CUX2: variants seen among roughly 807,000 people sequenced by gnomAD.
CUX2 encodes the protein cut like homeobox 2.
A neutral mutation model predicts 144.8 loss-of-function variants in CUX2; 40 were observed. The ratio of observed to expected loss-of-function variants is 0.28; its 90% CI spans 0.21 to 0.36. The LOEUF is 0.36. CUX2 is among the 10% of genes least tolerant of loss of function. CUX2 has a pLI of 1.00. For synonymous variants in CUX2, 827 were observed against 875.6 expected, an observed-to-expected ratio of 0.94 and a Z score of 0.98; for missense variants, 1,615 against 1,994.0, an observed-to-expected ratio of 0.81 and a Z score of 3.62.
intron 3 of CUX2, among the ~76,000 whole-genome samples, chr12:111,259,031 C>CTGTGTGTGTGTGTGTGTG (rs57814010): frequency 3.0e-5 from 4 of 132,306 alleles, no homozygotes; most frequent in South Asian, 2.8e-4. Flanking sequence ...CCACACCCAG[C>CTGTGTGTGTGTGTGTGTG]TGTGTGTGTG....
intron 1 of CUX2, among the ~76,000 whole-genome samples, chr12:111,123,071 G>C (rs1020903976): frequency 3.3e-5 from 5 of 152,186 alleles, no homozygotes; most frequent in African/African-American, 1.2e-4. Flanking sequence ...AGGCCTGCTG[G>C]GCCCCAGGAG....
intron 1 of CUX2, among the ~76,000 whole-genome samples, chr12:111,154,081 TA>T (rs1265869415): frequency 6.6e-6 from 1 of 152,076 alleles, no homozygotes. Flanking sequence ...TGTCTCCAAA[TA>T]AGGTCACATC....
intron 1 of CUX2, among the ~76,000 whole-genome samples, chr12:111,043,653 AAATAC>A (rs1229568199): frequency 6.6e-6 from 1 of 151,672 alleles, no homozygotes; most frequent in Non-Finnish European, 1.5e-5. Flanking sequence ...TCCCTACTAA[AAATAC>A]AAGAATTAGC....
At chr12:111,162,739 C>T (rs144408012) in intron 1 of CUX2, among the ~76,000 whole-genome samples, 8 of 152,268 alleles carry the variant, frequency 5.3e-5, no homozygotes, top group African/African-American at 1.4e-4. Context: ...AGCAGAGAGA[C>T]GAAGAGCATA....
chr12:111,212,626 T>C (rs987621966), intron 1 of CUX2, among the ~76,000 whole-genome samples: 2 of 152,250 alleles, frequency 1.3e-5, no homozygotes, highest in Non-Finnish European at 2.9e-5. Flanking sequence ...ATTACAGGCA[T>C]GAGCCACTGC....
At chr12:111,244,092 GT>G (rs72006914) in intron 3 of CUX2, among the ~76,000 whole-genome samples, 2,989 of 151,384 alleles carry the variant, frequency 0.02, 114 homozygotes, top group African/African-American at 0.069. Context: ...AGCTTTTTGG[GT>G]TTTTTTTTGT....
intron 1 of CUX2, among the ~76,000 whole-genome samples, chr12:111,062,563 C>T (rs188850562): frequency 9.2e-5 from 14 of 152,228 alleles, no homozygotes; most frequent in Non-Finnish European, 1.5e-4. Flanking sequence ...GGCCACGTGC[C>T]GGAGATGCCC....
intron 1 of CUX2, among the ~76,000 whole-genome samples, chr12:111,127,824 G>A (rs1009440335): frequency 6.6e-6 from 1 of 152,204 alleles, no homozygotes; most frequent in African/African-American, 2.4e-5. Context: ...GGGAGCAAAT[G>A]CACGTCTTAC....
In CUX2 at chr12:111,035,742, G is replaced by T. The variant is rs147632965; in HGVS notation, c.63+1502G>T. 2.7e-3 allele frequency among the ~76,000 whole-genome samples: 409 copies of T among 151,376 alleles called. 1 individual carries two copies. Among genetic ancestry groups the T allele is most frequent in the Admixed American group, 5.1e-3 (77 of 15,204 alleles). ...CGTCCTTCCGAACGCCCCACTCCTC[G>T]CTCTCCCCCTCCCCCAAAGCCATTG... On this transcript the variant is annotated intron_variant, in intron 1 of 21. Transcript: ENST00000261726. The surrounding 1 kb of genome is among the most constrained non-coding windows in gnomAD (Gnocchi z 6.0).
chr12:111,053,738 C>A (rs75371395), intron 1 of CUX2, among the ~76,000 whole-genome samples: 6,020 of 152,306 alleles, frequency 0.04, 410 homozygotes, highest in African/African-American at 0.14. Flanking sequence ...CCAGATGATT[C>A]CCCAGTTCCT....
chr12:111,105,338 C>G (rs2136074727), intron 1 of CUX2, among the ~76,000 whole-genome samples: 1 of 152,318 alleles, frequency 6.6e-6, no homozygotes, highest in East Asian at 1.9e-4. Context: ...GGGCCCGATG[C>G]TGGTTGATTT....
At chr12:111,042,789 C>A (rs553540926) in intron 1 of CUX2, among the ~76,000 whole-genome samples, 1 of 150,896 alleles carries the variant, frequency 6.6e-6, no homozygotes, top group Non-Finnish European at 1.5e-5. Context: ...ACCGCCACCA[C>A]GCCTGGCTTT....
intron 3 of CUX2, among the ~76,000 whole-genome samples, chr12:111,251,262 A>G (rs1883546810): frequency 6.6e-6 from 1 of 152,186 alleles, no homozygotes; most frequent in Non-Finnish European, 1.5e-5. Flanking sequence ...TTTGAGTGAC[A>G]AGCAATTTAA....
chr12:111,138,220 G>A (rs926711363), intron 1 of CUX2, among the ~76,000 whole-genome samples: 6 of 152,236 alleles, frequency 3.9e-5, no homozygotes, highest in Non-Finnish European at 7.3e-5. Context: ...AGGGAGAAGC[G>A]ATCTGGGAGT....
At chr12:111,280,353 G>A (rs1055540238) in intron 4 of CUX2, among the ~76,000 whole-genome samples, 5 of 152,100 alleles carry the variant, frequency 3.3e-5, no homozygotes, top group African/African-American at 4.8e-5. Context: ...GGCTGAGATC[G>A]AAGTCATGCA....
At position 111,320,133 on chromosome 12, in the gene CUX2, G is replaced by C; in HGVS notation, c.2124G>C (p.Gln708His). Residue 708 changes from glutamine (Q) to histidine (H), a missense_variant, in exon 17 of 22, where the codon CAG becomes CAC. Transcript: ENST00000261726. The surrounding 1 kb of genome is among the most constrained non-coding windows in gnomAD (Gnocchi z 8.1). ...EQARREMQAQ[Q>H]QALLEMEVAP... ...CACGCCGTGAGATGCAGGCGCAACA[G>C]CAGGCGCTGCTGGAGATGGAGGTGG... 6.4e-7 allele frequency: 1 copy of C among 1,553,992 alleles called. No individual in the cohort carries two copies. Among genetic ancestry groups the C allele is most frequent in the South Asian group, 1.2e-5 (1 of 84,972 alleles).
intron 1 of CUX2, among the ~76,000 whole-genome samples, chr12:111,041,141 G>A (rs1869722838): frequency 1.3e-5 from 2 of 152,218 alleles, no homozygotes; most frequent in African/African-American, 4.8e-5. Context: ...CCTTGGATGA[G>A]TCACTTAACC....
chr12:111,149,494 C>A (rs949227123), intron 1 of CUX2, among the ~76,000 whole-genome samples: 1 of 152,138 alleles, frequency 6.6e-6, no homozygotes, highest in East Asian at 1.9e-4. Flanking sequence ...CCACTAGATG[C>A]CAGTAGCACA....
At chr12:111,168,007 A>G (rs1425431947) in intron 1 of CUX2, among the ~76,000 whole-genome samples, 1 of 152,056 alleles carries the variant, frequency 6.6e-6, no homozygotes, top group Admixed American at 6.6e-5. Flanking sequence ...GCCCTGTTTT[A>G]TCCCCATTTT....
Sources: gnomAD v4.1 joint callset for allele counts (sites outside exome capture counted in the v4.1 genomes callset) on GRCh38, gnomAD v4.1.1 for gene constraint, Gnocchi (gnomAD v3.1) non-coding constraint, MANE v1.5 for transcripts, NCBI Gene and HGNC (gene_info 2026-07-23, HGNC 2026-07-21) for gene names.